KALRN: variants seen among roughly 807,000 people sequenced by gnomAD.
The protein encoded by KALRN is kalirin.
A neutral mutation model predicts 353.7 loss-of-function variants in KALRN; 70 were observed. The observed-to-expected ratio is 0.20, with a 90% CI of 0.16 to 0.24. The LOEUF is 0.24. Ranked by LOEUF, KALRN falls within the 10% of genes least tolerant of loss-of-function variation. KALRN has a pLI of 1.00. For synonymous variants in KALRN, 1,391 were observed against 1,434.8 expected (o/e 0.97, Z 0.69); for missense variants, 2,791 against 3,756.7 (o/e 0.74, Z 6.72).
At chr3:124,117,956 A>G (rs2063603270) in intron 1 of KALRN, among the ~76,000 whole-genome samples, 1 of 152,212 alleles carries the variant, frequency 6.6e-6, no homozygotes, top group Non-Finnish European at 1.5e-5. Flanking sequence ...CAGGGATTTA[A>G]AAATTTTAGA....
At chr3:124,676,155 C>A (rs1189325956) in intron 49 of KALRN, among the ~76,000 whole-genome samples, 1 of 152,200 alleles carries the variant, frequency 6.6e-6, no homozygotes, top group African/African-American at 2.4e-5. Flanking sequence ...TTCTTCCTCC[C>A]TACCTTTGGT....
intron 50 of KALRN, 189 bp downstream of exon 50, chr3:124,678,502 CTTCAA>C (rs1223513070): frequency 1.8e-6 from 1 of 545,892 alleles, no homozygotes; most frequent in African/African-American, 1.9e-5. Flanking sequence ...CTCCTGGCAA[CTTCAA>C]TTCAAGTAAG....
In KALRN at chr3:124,269,193, G is replaced by T. The variant is rs763385799; in HGVS notation, c.907G>T (p.Val303Leu). Residue 303 changes from valine (V) to leucine (L), a missense_variant, in exon 5 of 60, where the codon GTG becomes TTG. This residue lies in a region of KALRN where 366 missense variants were observed against 489.2 expected (regional missense o/e 0.75). Coordinates refer to ENST00000682506, the MANE Select transcript of KALRN (RefSeq NM_001388419.1). ...GCAGCACCTGCACCAGATGTGGCAT[G>T]TGCGCAAGCTCAAGCTGGACCAGTG... Reference protein sequence around the residue: ...TRQHLHQMWHVRKLKLDQCFQ... With the variant: ...TRQHLHQMWHLRKLKLDQCFQ... 8 of 1,611,418 alleles carry T rather than the reference G, an allele frequency of 5.0e-6. No homozygotes were observed. The highest frequency in any genetic ancestry group is 6.8e-6 in the Non-Finnish European group (8 of 1,178,250).
chr3:124,716,348 ACT>A (rs2063133014), intron 58 of KALRN, among the ~76,000 whole-genome samples: 1 of 152,178 alleles, frequency 6.6e-6, no homozygotes, highest in South Asian at 2.1e-4. Context: ...ACATGGCAAA[ACT>A]CTGTCTCTAC....
intron 17 of KALRN, among the ~76,000 whole-genome samples, chr3:124,436,464 G>T (rs1157942242): frequency 6.6e-6 from 1 of 152,366 alleles, no homozygotes; most frequent in East Asian, 1.9e-4. Flanking sequence ...CACGTTTCAG[G>T]CCTTGCAGAA....
At chr3:124,685,570 A>G (rs952447305) in intron 51 of KALRN, among the ~76,000 whole-genome samples, 19 of 152,234 alleles carry the variant, frequency 1.2e-4, no homozygotes, top group African/African-American at 4.6e-4. Flanking sequence ...AACAAGGGTC[A>G]GGCTCAGGCC....
chr3:124,456,798 C>T, intron 23 of KALRN, 70 bp downstream of exon 23: 2 of 986,032 alleles, frequency 2.0e-6, no homozygotes, highest in East Asian at 5.1e-5. Context: ...CTACTTGTCC[C>T]TTTGGATAGC....
Position 124,464,233 on chromosome 3 carries a change from C to A in KALRN, c.4031+1600C>A, listed in dbSNP as rs1157022508. 2.6e-5 allele frequency among the ~76,000 whole-genome samples: 4 copies of A among 152,196 alleles called. No individual in the cohort carries two copies. The East Asian group carries it at 7.7e-4, about 29-fold the overall frequency. On this transcript the variant is annotated intron_variant, in intron 25 of 59. Transcript: ENST00000682506. ...GGATTTACTCAACAAGTCTCACTTT[C>A]CCCATGTTCTTAGCCAATTGACTAA...
intron 10 of KALRN, among the ~76,000 whole-genome samples, chr3:124,380,997 T>C (rs1022261670): frequency 1.6e-4 from 25 of 152,110 alleles, no homozygotes; most frequent in African/African-American, 5.6e-4. Flanking sequence ...TGCCAGACAC[T>C]AAGGGAAAGA....
chr3:124,467,799 A>C (rs1353432096), intron 25 of KALRN, among the ~76,000 whole-genome samples: 1 of 152,184 alleles, frequency 6.6e-6, no homozygotes, highest in African/African-American at 2.4e-5. Context: ...AGGGAGAGAC[A>C]AAAGGAAAGG....
intron 15 of KALRN, among the ~76,000 whole-genome samples, chr3:124,426,986 A>G (rs941533122): frequency 1.3e-5 from 2 of 152,222 alleles, no homozygotes; most frequent in Non-Finnish European, 1.5e-5. Context: ...TATTTATTTG[A>G]TTACTAAAGA....
chr3:124,362,333 C>T (rs17312336), intron 10 of KALRN, among the ~76,000 whole-genome samples: 47,793 of 152,194 alleles, frequency 0.31, 8,592 homozygotes, highest in Middle Eastern at 0.49. Context: ...AAAGCCCACT[C>T]TCAAGTTGTG....
intron 1 of KALRN, among the ~76,000 whole-genome samples, chr3:124,104,163 G>T (rs182358103): frequency 1.3e-5 from 2 of 152,294 alleles, no homozygotes; most frequent in Admixed American, 6.5e-5. Flanking sequence ...TAAGTTGCTA[G>T]ATGAGTGCTA....
intron 5 of KALRN, among the ~76,000 whole-genome samples, chr3:124,291,866 C>T (rs1253689024): frequency 2.0e-5 from 3 of 152,120 alleles, no homozygotes; most frequent in Admixed American, 6.5e-5. Flanking sequence ...GCCAAAAACA[C>T]GAAGGAAACA....
In KALRN at chr3:124,592,970, A is replaced by G. The variant is rs541959479; in HGVS notation, c.5182+29881A>G. Among the ~76,000 whole-genome samples the G allele has an allele frequency of 2.6e-5, 4 of 152,282 alleles. No homozygotes were observed. In the South Asian group the frequency reaches 8.3e-4, roughly 32 times the overall value. ...GAAACTGTCAAATTGAAGGGGAGGG[A>G]AACCCCTTCTGCTGCTAGGTCAAAG... On this transcript the variant is annotated intron_variant, in intron 34 of 59. Transcript: ENST00000682506.
Position 124,171,080 on chromosome 3 carries a change from G to A in KALRN, c.74-56910G>A, listed in dbSNP as rs750095978. On this transcript the variant is annotated intron_variant, in intron 1 of 59. Coordinates refer to ENST00000682506, the MANE Select transcript of KALRN (RefSeq NM_001388419.1). ...GATCTGCCTGCCTTGACCTCACAAAGTGTTGGGATTACAGGCATGAGCAAC... is the reference window on the plus strand; with the variant it reads ...GATCTGCCTGCCTTGACCTCACAAAATGTTGGGATTACAGGCATGAGCAAC... Among the ~76,000 whole-genome samples the A allele has an allele frequency of 4.0e-4, 61 of 152,012 alleles. 1 individual carries two copies. Among genetic ancestry groups the A allele is most frequent in the African/African-American group, 9.4e-4 (39 of 41,466 alleles).
intron 32 of KALRN, among the ~76,000 whole-genome samples, chr3:124,493,840 G>A (rs567722897): frequency 9.2e-5 from 14 of 152,346 alleles, no homozygotes; most frequent in African/African-American, 3.1e-4. Flanking sequence ...ACCAGGATAA[G>A]TTCACCTCCT....
At chr3:124,530,106 G>T (rs1446888141) in intron 33 of KALRN, among the ~76,000 whole-genome samples, 1 of 152,134 alleles carries the variant, frequency 6.6e-6, no homozygotes, top group Non-Finnish European at 1.5e-5. Context: ...GTCAACAGTG[G>T]CATCTGATGC....
intron 34 of KALRN, among the ~76,000 whole-genome samples, chr3:124,572,346 A>G (rs551952995): frequency 2.0e-5 from 3 of 151,952 alleles, no homozygotes; most frequent in African/African-American, 7.2e-5. Context: ...AAAAACAAAA[A>G]ACAAAAAAAA....
Sources: allele counts gnomAD v4.1 joint callset (sites outside exome capture counted in the v4.1 genomes callset), GRCh38; gene constraint gnomAD v4.1.1; regional missense constraint gnomAD v4.1.1; transcripts MANE v1.5; gene names NCBI Gene and HGNC (gene_info 2026-07-23, HGNC 2026-07-21).